Variants in OSBPL3 observed in about 807,000 individuals in gnomAD.
OSBPL3 encodes the protein oxysterol binding protein like 3.
OSBPL3 carries 65 observed loss-of-function variants against 120.1 expected under a neutral mutation model. That is an observed-to-expected ratio of 0.54 (90% CI 0.44 to 0.67). The LOEUF (loss-of-function observed/expected upper bound fraction) is 0.67. OSBPL3 is among the 30% of genes least tolerant of loss of function. OSBPL3 has a pLI of 0.00. For missense variants in OSBPL3, 1,004 were observed against 1,082.1 expected (o/e 0.93, Z 1.01); for synonymous variants, 416 against 402.6 (o/e 1.03, Z -0.40).
rs1314337203 is a variant in OSBPL3 at position 24,803,088 on chromosome 7, G to C, written c.2567+1227C>G. ...ACAAAACCTTATTTGTCACTATTTT[G>C]ATGTTTTGGAATACAGATTTTATTA... On this transcript the variant is annotated intron_variant, in intron 22 of 22. Transcript: ENST00000313367. The surrounding 1 kb of genome is among the most constrained non-coding windows in gnomAD (Gnocchi z 4.2). Among the ~76,000 whole-genome samples, 1 of 152,086 alleles carries C rather than the reference G, an allele frequency of 6.6e-6. No homozygotes were observed. Among genetic ancestry groups the C allele is most frequent in the African/African-American group, 2.4e-5 (1 of 41,402 alleles).
At chr7:24,884,917 A>T (rs1804267232) in intron 2 of OSBPL3, among the ~76,000 whole-genome samples, 1 of 152,160 alleles carries the variant, frequency 6.6e-6, no homozygotes, top group Admixed American at 6.5e-5. Context: ...GTGTTTATTC[A>T]GCCTATACTG....
rs1344272597 is a variant in OSBPL3 at position 24,891,890 on chromosome 7, C to T, written c.96+487G>A. ...CTACTAACAGGGCAATCTGTGGTTACAAGCTGCCATAAAAGGTTTGATGAA... is the reference window on the plus strand; with the variant it reads ...CTACTAACAGGGCAATCTGTGGTTATAAGCTGCCATAAAAGGTTTGATGAA... On this transcript the variant is annotated intron_variant, in intron 2 of 22. Transcript: ENST00000313367. The surrounding 1 kb of genome is among the most constrained non-coding windows in gnomAD (Gnocchi z 4.1). Among the ~76,000 whole-genome samples the T allele has an allele frequency of 1.3e-5, 2 of 152,162 alleles. No individual in the cohort carries two copies. The highest frequency in any genetic ancestry group is 2.9e-5 in the Non-Finnish European group (2 of 68,038).
At chr7:24,934,678 T>C (rs1259331311) in intron 1 of OSBPL3, among the ~76,000 whole-genome samples, 2 of 152,308 alleles carry the variant, frequency 1.3e-5, no homozygotes, top group Non-Finnish European at 2.9e-5. Flanking sequence ...AAAATAGAGT[T>C]TGTCATACAG....
rs142062780 is a variant in OSBPL3, at chr7:24,836,077, T to A, written c.1496-1341A>T. ...TGTACCCCTGAACCTAAGAGTTTAATAAATCATTTTTAAAGACTGTAAAAT... is the reference window on the plus strand; with the variant it reads ...TGTACCCCTGAACCTAAGAGTTTAAAAAATCATTTTTAAAGACTGTAAAAT... On this transcript the variant is annotated intron_variant, in intron 14 of 22. Transcript: ENST00000313367. Among the ~76,000 whole-genome samples the A allele has an allele frequency of 3.9e-5, 6 of 152,312 alleles. No individual in the cohort carries two copies. In the East Asian group the frequency reaches 1.2e-3, roughly 29 times the overall value.
chr7:24,856,877 C>T (rs563000463), intron 10 of OSBPL3, among the ~76,000 whole-genome samples: 7 of 152,278 alleles, frequency 4.6e-5, no homozygotes, highest in Middle Eastern at 3.4e-3. Flanking sequence ...TCACAGGATG[C>T]CCATGATTTT....
chr7:24,839,833 T>C (rs956381511), intron 14 of OSBPL3, among the ~76,000 whole-genome samples: 4 of 150,704 alleles, frequency 2.7e-5, no homozygotes, highest in Non-Finnish European at 4.4e-5. Flanking sequence ...CACCGAAAAA[T>C]ACAAAACTTA....
In OSBPL3 at chr7:24,870,954, A is replaced by T. The variant is rs3735540; in HGVS notation, c.268-109T>A. 3.7e-4 allele frequency: 278 copies of T among 741,916 alleles called. No individual in the cohort carries two copies. In the East Asian group the frequency reaches 4.5e-3, roughly 12 times the overall value. 46.0% of individuals were successfully genotyped at this position (741,916 alleles called of 1,614,324 possible). On this transcript the variant is annotated intron_variant, in intron 4 of 22. Coordinates refer to ENST00000313367, the MANE Select transcript of OSBPL3 (RefSeq NM_015550.4). ...TGATAGTAAAATCACAAACACTGCG[A>T]CTCATCAAGCACTTAGCGTGAGCCA...
intron 14 of OSBPL3, among the ~76,000 whole-genome samples, chr7:24,840,467 C>T (rs10274129): frequency 0.056 from 8,520 of 152,178 alleles, 377 homozygotes; most frequent in Non-Finnish European, 0.06. Context: ...CTCTAGCTTA[C>T]TTTATTGTAA....
intron 2 of OSBPL3, among the ~76,000 whole-genome samples, chr7:24,880,363 C>G (rs1304886908): frequency 6.6e-6 from 1 of 152,140 alleles, no homozygotes; most frequent in Admixed American, 6.5e-5. Flanking sequence ...TAGCACTCAG[C>G]TGAGCCCATC....
intron 2 of OSBPL3, among the ~76,000 whole-genome samples, chr7:24,876,628 C>T (rs895183331): frequency 6.6e-6 from 1 of 152,154 alleles, no homozygotes; most frequent in Non-Finnish European, 1.5e-5. Context: ...GTAAATGGCA[C>T]TGAGTAGCTG....
intron 1 of OSBPL3, among the ~76,000 whole-genome samples, chr7:24,971,133 T>A (rs914111385): frequency 1.1e-4 from 17 of 152,256 alleles, no homozygotes; most frequent in Admixed American, 2.0e-4. Flanking sequence ...ATCCATCCTC[T>A]GATCCTCGGA....
chr7:24,882,904 T>A (rs1416928681), intron 2 of OSBPL3, among the ~76,000 whole-genome samples: 1 of 152,234 alleles, frequency 6.6e-6, no homozygotes, highest in African/African-American at 2.4e-5. Context: ...CTTTGCTTGT[T>A]TTTTAATGAG....
In OSBPL3 at chr7:24,815,233, A is replaced by G. The variant is rs1299829043; in HGVS notation, c.2028-30T>C. 5.0e-6 allele frequency: 8 copies of G among 1,598,698 alleles called. No homozygotes were observed. Among genetic ancestry groups the G allele is most frequent in the Non-Finnish European group, 6.8e-6 (8 of 1,169,932 alleles). Reference sequence around the variant, plus strand: ...AAAGAAGGAAAAAGTAGAAGTACCAATTTCTAGAAGAGCCAGCAGCAAATG... The same window carrying G: ...AAAGAAGGAAAAAGTAGAAGTACCAGTTTCTAGAAGAGCCAGCAGCAAATG... On this transcript the variant is annotated intron_variant, in intron 18 of 22. Transcript: ENST00000313367. This position sits in a 1 kb window ranked among gnomAD's most constrained non-coding sequence, Gnocchi z 5.1.
At chr7:24,970,684 A>C (rs1816916205) in intron 1 of OSBPL3, among the ~76,000 whole-genome samples, 1 of 152,230 alleles carries the variant, frequency 6.6e-6, no homozygotes. Context: ...TGGCTAATTA[A>C]CATTTGCCTG....
chr7:24,943,379 G>T (rs772581200), intron 1 of OSBPL3, among the ~76,000 whole-genome samples: 1 of 152,130 alleles, frequency 6.6e-6, no homozygotes, highest in Non-Finnish European at 1.5e-5. Context: ...TACCTTAAAG[G>T]CTTAAAGGAA....
At chr7:24,974,373 T>C (rs1212352853) in intron 1 of OSBPL3, among the ~76,000 whole-genome samples, 3 of 152,188 alleles carry the variant, frequency 2.0e-5, no homozygotes, top group African/African-American at 7.2e-5. Flanking sequence ...AGGTAAACCA[T>C]CAACTATGAG....
At chr7:24,926,621 G>A (rs1811083346) in intron 1 of OSBPL3, among the ~76,000 whole-genome samples, 1 of 152,130 alleles carries the variant, frequency 6.6e-6, no homozygotes, top group African/African-American at 2.4e-5. Flanking sequence ...CCTTACTGTG[G>A]GCACAGCAGA....
At chr7:24,949,845 C>T (rs867674028) in intron 1 of OSBPL3, among the ~76,000 whole-genome samples, 2 of 152,176 alleles carry the variant, frequency 1.3e-5, no homozygotes, top group Non-Finnish European at 2.9e-5. Context: ...CTCCCCGCTC[C>T]CTCAGCGCTG....
intron 1 of OSBPL3, among the ~76,000 whole-genome samples, chr7:24,928,261 A>G (rs989155240): frequency 5.5e-5 from 8 of 145,976 alleles, no homozygotes; most frequent in East Asian, 2.0e-4. Context: ...GCACGATCTC[A>G]GCTCACTGCA....
Sources: gnomAD v4.1 joint callset for allele counts (sites outside exome capture counted in the v4.1 genomes callset) on GRCh38, gnomAD v4.1.1 for gene constraint, Gnocchi (gnomAD v3.1) non-coding constraint, MANE v1.5 for transcripts, NCBI Gene and HGNC (gene_info 2026-07-23, HGNC 2026-07-21) for gene names.